Variants in ARHGAP40 observed in about 807,000 individuals in gnomAD.
ARHGAP40 encodes Rho GTPase activating protein 40, also known as rho GTPase-activating protein 40.
A neutral mutation model predicts 73.5 loss-of-function variants in ARHGAP40; 43 were observed. The ratio of observed to expected loss-of-function variants is 0.58; its 90% CI spans 0.46 to 0.75. ARHGAP40 has a LOEUF of 0.75. Ranked by LOEUF, ARHGAP40 falls within the 30% of genes least tolerant of loss-of-function variation. ARHGAP40 has a pLI of 0.00. For missense variants in ARHGAP40, 734 were observed against 861.8 expected, an observed-to-expected ratio of 0.85 and a Z score of 1.86; for synonymous variants, 300 against 352.8, an observed-to-expected ratio of 0.85 and a Z score of 1.68.
chr20:38,613,042 C>G (rs1426755408), intron 1 of ARHGAP40, among the ~76,000 whole-genome samples: 2 of 152,212 alleles, frequency 1.3e-5, no homozygotes, highest in Non-Finnish European at 2.9e-5. Flanking sequence ...GAGACACAGA[C>G]CCAGGATTAT....
chr20:38,618,103 T>TC (rs1215753265), intron 1 of ARHGAP40, among the ~76,000 whole-genome samples: 1 of 151,682 alleles, frequency 6.6e-6, no homozygotes, highest in East Asian at 1.9e-4. Context: ...TTCTTGACTT[T>TC]TTTTTTTTTT....
intron 10 of ARHGAP40, among the ~76,000 whole-genome samples, 151 bp downstream of exon 10, chr20:38,641,959 T>A (rs542889322): frequency 6.6e-6 from 1 of 152,092 alleles, no homozygotes; most frequent in South Asian, 2.1e-4. Flanking sequence ...CTCTTGAGAC[T>A]TTTTCTTAAA....
intron 3 of ARHGAP40, among the ~76,000 whole-genome samples, chr20:38,628,515 AGGAT>A (rs2145605100): frequency 6.6e-6 from 1 of 152,150 alleles, no homozygotes; most frequent in South Asian, 2.1e-4. Context: ...TGTGTTAGCC[AGGAT>A]GGTCTCTATC....
intron 2 of ARHGAP40, among the ~76,000 whole-genome samples, chr20:38,626,625 C>T (rs1253868289): frequency 1.3e-5 from 2 of 152,218 alleles, no homozygotes; most frequent in African/African-American, 4.8e-5. Context: ...CAAGGGGACA[C>T]CATGTGACCC....
intron 1 of ARHGAP40, among the ~76,000 whole-genome samples, chr20:38,620,161 C>T (rs561441023): frequency 6.6e-5 from 10 of 152,356 alleles, no homozygotes; most frequent in Non-Finnish European, 1.2e-4. Context: ...CTGGAGGCCA[C>T]GCTGTATACT....
intron 10 of ARHGAP40, among the ~76,000 whole-genome samples, chr20:38,642,150 G>A (rs1216054719): frequency 1.3e-5 from 2 of 152,156 alleles, no homozygotes; most frequent in Non-Finnish European, 2.9e-5. Context: ...TTGGTATATT[G>A]AGGCTTTAGA....
At chr20:38,603,132 A>G (rs934725972) in intron 1 of ARHGAP40, among the ~76,000 whole-genome samples, 2 of 152,234 alleles carry the variant, frequency 1.3e-5, no homozygotes, top group Non-Finnish European at 2.9e-5. Context: ...TTGCCACCCA[A>G]GGACCTGAAG....
At chr20:38,631,918 C>A (rs2145607279) in intron 5 of ARHGAP40, among the ~76,000 whole-genome samples, 1 of 152,234 alleles carries the variant, frequency 6.6e-6, no homozygotes, top group Admixed American at 6.5e-5. Flanking sequence ...TAATATTTTC[C>A]ATTAATCATA....
exon 3 of ARHGAP40, chr20:38,627,146 C>T (rs2088903092): frequency 7.7e-7 from 1 of 1,305,432 alleles, no homozygotes; most frequent in Non-Finnish European, 1.0e-6. Context: ...TCTATGCTCG[C>T]TCAGTGCGAA....
chr20:38,629,520 T>A (rs900823772), exon 5 of ARHGAP40: 2 of 1,305,304 alleles, frequency 1.5e-6, no homozygotes, highest in Admixed American at 4.6e-5. Flanking sequence ...CCTGGGGGGC[T>A]GCAGGAGCAG....
chr20:38,625,866 TA>T (rs1333766721), intron 2 of ARHGAP40, among the ~76,000 whole-genome samples: 3 of 152,222 alleles, frequency 2.0e-5, no homozygotes, highest in African/African-American at 7.2e-5. Flanking sequence ...TGTGTTTTAG[TA>T]AAAAATGTAG....
rs117710708 is a variant in ARHGAP40, at chr20:38,617,655, G to A, written c.138-5704G>A. Among the ~76,000 whole-genome samples, 163 of 152,204 alleles carry A rather than the reference G, an allele frequency of 1.1e-3. No individual in the cohort carries two copies. In the East Asian group the frequency reaches 0.025, roughly 24 times the overall value. ...GGCTCTAAGCCTCTGTGAGGGCTCCGGCCCTCTGACTCACTGCAGGAATAT... is the reference window on the plus strand; with the variant it reads ...GGCTCTAAGCCTCTGTGAGGGCTCCAGCCCTCTGACTCACTGCAGGAATAT... On this transcript the variant is annotated intron_variant, in intron 1 of 14. Transcript: ENST00000373345.
chr20:38,639,420 A>C (rs2088999988), intron 9 of ARHGAP40, 34 bp downstream of exon 9: 9 of 1,289,614 alleles, frequency 7.0e-6, no homozygotes, highest in Non-Finnish European at 9.2e-6. Flanking sequence ...CTGTGCAGGG[A>C]TGGAGAGTTG....
At chr20:38,630,204 TTTCTTTCC>T (rs1471092550) in intron 5 of ARHGAP40, among the ~76,000 whole-genome samples, 4 of 139,396 alleles carry the variant, frequency 2.9e-5, no homozygotes, top group East Asian at 2.5e-4. Flanking sequence ...TTCTTCTTCC[TTTCTTTCC>T]TTCTTTCCTT....
At chr20:38,627,527 G>GTGTGTGTTGGTGTGTGTGTGTT (rs1464232058) in intron 3 of ARHGAP40, among the ~76,000 whole-genome samples, 1 of 136,680 alleles carries the variant, frequency 7.3e-6, no homozygotes, top group Admixed American at 7.3e-5. Flanking sequence ...ATGTGTGTTG[G>GTGTGTGTTGGTGTGTGTGTGTT]GGTATGTGTG....
exon 15 of ARHGAP40, chr20:38,649,811 C>T (rs1042219953): frequency 6.9e-6 from 9 of 1,305,270 alleles, no homozygotes; most frequent in South Asian, 2.5e-5. Flanking sequence ...CGTGCCAACC[C>T]GCATGGTGAG....
chr20:38,631,655 A>G (rs2088939194), intron 5 of ARHGAP40, among the ~76,000 whole-genome samples: 1 of 152,178 alleles, frequency 6.6e-6, no homozygotes, highest in African/African-American at 2.4e-5. Flanking sequence ...AAACCATATC[A>G]TGGTGCTCAG....
At chr20:38,639,366 C>T (rs1212845043) in exon 9 of ARHGAP40, 28 of 1,305,390 alleles carry the variant, frequency 2.1e-5, no homozygotes, top group East Asian at 5.5e-5. Context: ...GAGTACCTCC[C>T]GGCCTTCGCC....
intron 1 of ARHGAP40, among the ~76,000 whole-genome samples, chr20:38,620,029 G>A (rs1263453637): frequency 2.0e-5 from 3 of 152,144 alleles, no homozygotes; most frequent in African/African-American, 7.2e-5. Context: ...CTATGATCGC[G>A]CCATTGCCTT....
Sources: gnomAD v4.1 joint callset for allele counts (sites outside exome capture counted in the v4.1 genomes callset) on GRCh38, gnomAD v4.1.1 for gene constraint, MANE v1.5 for transcripts, NCBI Gene and HGNC (gene_info 2026-07-23, HGNC 2026-07-21) for gene names.